The following LRRC4C variants were observed in gnomAD, a reference collection of about 807,000 sequenced individuals.
LRRC4C encodes the protein leucine-rich repeat-containing protein 4C.
Under a neutral mutation model 33.6 loss-of-function variants are expected in LRRC4C, and 5 were observed. The ratio of observed to expected loss-of-function variants is 0.15; its 90% confidence interval spans 0.08 to 0.31. LRRC4C has a LOEUF of 0.31. LRRC4C is among the 10% of genes least tolerant of loss of function. The probability of loss-of-function intolerance (pLI) is 1.00; values close to 1 mark genes in which losing one functional copy is unlikely to be tolerated. For synonymous variants in LRRC4C, 329 were observed against 302.0 expected, an observed-to-expected ratio of 1.09 and a Z score of -0.93; for missense variants, 560 against 796.7, an observed-to-expected ratio of 0.70 and a Z score of 3.58.
intron 3 of LRRC4C, among the ~76,000 whole-genome samples, chr11:40,643,903 T>A (rs992704676): frequency 1.3e-5 from 2 of 152,034 alleles, no homozygotes; most frequent in African/African-American, 2.4e-5. Context: ...TTAAACAATA[T>A]CCAGAATCTC....
chr11:40,984,383 GAAA>G, intron 1 of LRRC4C, among the ~76,000 whole-genome samples: 1 of 82,824 alleles, frequency 1.2e-5, no homozygotes, highest in South Asian at 3.0e-4. Context: ...AAGAAAGAAA[GAAA>G]GAAAGAAAGA....
At position 41,346,709 on chromosome 11, in the gene LRRC4C, G is replaced by T. The variant is rs149445433; in HGVS notation, c.-496+112722C>A. 9.3e-3 allele frequency among the ~76,000 whole-genome samples: 1,410 copies of T among 152,226 alleles called. 15 individuals are homozygous for T. Among genetic ancestry groups the T allele is most frequent in the South Asian group, 0.031 (151 of 4,824 alleles). Reference sequence around the variant, plus strand: ...CACAAGGCATCTTAGCTTTCAAAAGGTTCCAAAAAGTTCCGCATTATTGAG... The same window carrying T: ...CACAAGGCATCTTAGCTTTCAAAAGTTTCCAAAAAGTTCCGCATTATTGAG... On this transcript the variant is annotated intron_variant, in intron 1 of 6. Coordinates refer to ENST00000528697, the MANE Select transcript of LRRC4C (RefSeq NM_001258419.2).
intron 3 of LRRC4C, among the ~76,000 whole-genome samples, chr11:40,525,521 A>G (rs909947255): frequency 5.3e-5 from 8 of 152,054 alleles, no homozygotes; most frequent in East Asian, 1.9e-4. Flanking sequence ...AGCAAGAAAA[A>G]CTAATACCTA....
chr11:40,429,668 C>T (rs556710132), intron 3 of LRRC4C, among the ~76,000 whole-genome samples: 8 of 152,052 alleles, frequency 5.3e-5, no homozygotes, highest in African/African-American at 1.4e-4. Flanking sequence ...GACTTTTCAT[C>T]TTTAAAGAGT....
intron 4 of LRRC4C, among the ~76,000 whole-genome samples, chr11:40,268,732 C>T (rs1018735489): frequency 1.3e-5 from 2 of 152,030 alleles, no homozygotes; most frequent in African/African-American, 4.8e-5. Context: ...TCTGGAGATT[C>T]TGTTTAGCAT....
intron 1 of LRRC4C, among the ~76,000 whole-genome samples, chr11:41,276,538 G>A (rs576685645): frequency 6.6e-6 from 1 of 152,098 alleles, no homozygotes; most frequent in Non-Finnish European, 1.5e-5. Flanking sequence ...ATTTAATTAT[G>A]TAACTATCTG....
chr11:40,865,505 C>T (rs1156430211), intron 2 of LRRC4C, among the ~76,000 whole-genome samples: 1 of 73,100 alleles, frequency 1.4e-5, no homozygotes, highest in Non-Finnish European at 3.5e-5. Flanking sequence ...AGCCATTCCA[C>T]AGTGTGTATA....
At chr11:41,458,618 G>A (rs190969233) in intron 1 of LRRC4C, among the ~76,000 whole-genome samples, 2 of 151,978 alleles carry the variant, frequency 1.3e-5, no homozygotes, top group African/African-American at 2.4e-5. Context: ...TAGGCAAGAT[G>A]TTTGACTAAA....
intron 1 of LRRC4C, among the ~76,000 whole-genome samples, chr11:41,383,110 T>C (rs1953219664): frequency 1.3e-5 from 2 of 152,082 alleles, no homozygotes; most frequent in South Asian, 2.1e-4. Context: ...ACAGCCTCTA[T>C]AAGCTGGCCG....
intron 1 of LRRC4C, among the ~76,000 whole-genome samples, chr11:41,019,267 G>A (rs545658289): frequency 6.6e-5 from 10 of 152,168 alleles, no homozygotes; most frequent in African/African-American, 2.4e-4. Context: ...GAGAACATGT[G>A]GTGTTTGGTT....
At chr11:41,233,008 C>G (rs185008771) in intron 1 of LRRC4C, among the ~76,000 whole-genome samples, 15 of 152,206 alleles carry the variant, frequency 9.9e-5, no homozygotes, top group Admixed American at 9.2e-4. Context: ...ATTGTCAAAA[C>G]AAGTGACTAC....
Position 41,304,912 on chromosome 11 carries a change from AG to A in LRRC4C, c.-496+154518del, listed in dbSNP as rs1950436754. Among the ~76,000 whole-genome samples, 2 of 29,678 alleles carry A rather than the reference AG, an allele frequency of 6.7e-5. 1 individual carries two copies. The highest frequency in any genetic ancestry group is 1.8e-4 in the Non-Finnish European group (2 of 11,152). 19.5% of individuals were successfully genotyped at this position (29,678 alleles called of 152,430 possible). ...CGGCCAGCCGCCCCATCCGGGAGGG[AG>A]GTGGGGGGGGGTCAGCCCACCTGCT... On this transcript the variant is annotated intron_variant, in intron 1 of 6. Transcript: ENST00000528697.
chr11:40,906,282 G>A (rs184615816), intron 2 of LRRC4C, among the ~76,000 whole-genome samples: 5 of 152,306 alleles, frequency 3.3e-5, no homozygotes, highest in South Asian at 2.1e-4. Flanking sequence ...AGGCCAAGGC[G>A]GGTGAATCAC....
At chr11:40,213,839 G>A (rs1863781142) in intron 5 of LRRC4C, among the ~76,000 whole-genome samples, 1 of 151,914 alleles carries the variant, frequency 6.6e-6, no homozygotes, top group African/African-American at 2.4e-5. Context: ...TCTAATATGT[G>A]CCAAGTTTTC....
chr11:41,117,720 C>T (rs1261787994), intron 1 of LRRC4C, among the ~76,000 whole-genome samples: 2 of 151,826 alleles, frequency 1.3e-5, no homozygotes, highest in African/African-American at 4.8e-5. Flanking sequence ...GGTCTTTTGC[C>T]CCTACCCTCC....
At chr11:40,558,635 T>C (rs1309411696) in intron 3 of LRRC4C, among the ~76,000 whole-genome samples, 1 of 152,218 alleles carries the variant, frequency 6.6e-6, no homozygotes, top group Non-Finnish European at 1.5e-5. Flanking sequence ...GATATTCTAG[T>C]CTTGACCAAT....
chr11:40,641,274 T>C lies in LRRC4C; in HGVS notation c.-270+6868A>G, dbSNP rs529497909. Among the ~76,000 whole-genome samples the C allele has an allele frequency of 5.3e-5, 8 of 152,280 alleles. No homozygotes were observed. The South Asian group carries it at 1.7e-3, about 32-fold the overall frequency. On this transcript the variant is annotated intron_variant, in intron 3 of 6. Transcript: ENST00000528697. ...TATATAGGGAACCTATCAAAGTGAA[T>C]TTCTATAAAATGAAGTGTACAAGAA...
intron 2 of LRRC4C, among the ~76,000 whole-genome samples, chr11:40,922,918 C>T (rs983012882): frequency 6.6e-6 from 1 of 152,184 alleles, no homozygotes; most frequent in Middle Eastern, 3.4e-3. Flanking sequence ...CTCCGCCTCC[C>T]GGTTCAAGTG....
intron 6 of LRRC4C, among the ~76,000 whole-genome samples, chr11:40,132,872 G>C (rs1856740980): frequency 6.6e-6 from 1 of 151,294 alleles, no homozygotes; most frequent in Non-Finnish European, 1.5e-5. Context: ...AAAATATAGG[G>C]GAGAGAAAAG....
Sources: allele counts gnomAD v4.1 joint callset (sites outside exome capture counted in the v4.1 genomes callset), GRCh38; gene constraint gnomAD v4.1.1; transcripts MANE v1.5; gene names NCBI Gene and HGNC (gene_info 2026-07-23, HGNC 2026-07-21).